The following NELL2 variants were observed in gnomAD, a reference collection of about 807,000 sequenced individuals.
The protein encoded by NELL2 is protein kinase C-binding protein NELL2.
A neutral mutation model predicts 109.6 loss-of-function variants in NELL2; 41 were observed. The ratio of observed to expected loss-of-function variants is 0.37; its 90% confidence interval spans 0.29 to 0.49. The LOEUF (loss-of-function observed/expected upper bound fraction) is 0.49. Among genes scored for constraint, NELL2 ranks in the 20% least tolerant of loss-of-function variants. The pLI, the probability that NELL2 is intolerant of heterozygous loss-of-function variation, is 0.98. For synonymous variants in NELL2, 355 were observed against 344.7 expected (o/e 1.03, Z -0.33); for missense variants, 900 against 1,008.3 (o/e 0.89, Z 1.45).
At chr12:44,774,691 T>A in intron 9 of NELL2, 56 bp downstream of exon 9, 1 of 1,389,682 alleles carries the variant, frequency 7.2e-7, no homozygotes, top group Non-Finnish European at 1.0e-6. Context: ...TGAATACTTA[T>A]TAATACAGTG....
intron 9 of NELL2, 58 bp from the exon 10 acceptor site, chr12:44,714,799 A>G: frequency 9.0e-7 from 1 of 1,105,248 alleles, no homozygotes; most frequent in Non-Finnish European, 1.3e-6. Flanking sequence ...CTTAGAAGGG[A>G]TCAGATCATC....
At chr12:44,523,507 C>T (rs2138988551) in intron 16 of NELL2, 23 bp from the exon 17 acceptor site, 1 of 1,607,256 alleles carries the variant, frequency 6.2e-7, no homozygotes, top group Non-Finnish European at 8.5e-7. Flanking sequence ...AAAAGCAGCA[C>T]TCAATGTGCT....
At chr12:44,866,706 TAAAC>T (rs1472168702) in intron 2 of NELL2, among the ~76,000 whole-genome samples, 1 of 151,714 alleles carries the variant, frequency 6.6e-6, no homozygotes, top group Non-Finnish European at 1.5e-5. Flanking sequence ...CTAATGAAGA[TAAAC>T]AAAATTGACA....
intron 13 of NELL2, among the ~76,000 whole-genome samples, chr12:44,648,099 C>T (rs902579201): frequency 5.3e-5 from 8 of 152,048 alleles, no homozygotes; most frequent in Non-Finnish European, 1.2e-4. Context: ...GTGGAAGAGG[C>T]AGGCAGAAAC....
chr12:44,916,139 T>G (rs548923047), upstream of NELL2, among the ~76,000 whole-genome samples: 1 of 152,282 alleles, frequency 6.6e-6, no homozygotes, highest in African/African-American at 2.4e-5. Context: ...GTAACATGTA[T>G]TAAAGGATGC....
At chr12:44,606,037 C>A (rs1945388692) in intron 15 of NELL2, among the ~76,000 whole-genome samples, 1 of 152,102 alleles carries the variant, frequency 6.6e-6, no homozygotes, top group Non-Finnish European at 1.5e-5. Context: ...AGGAAATGAT[C>A]CCCTTAAGAA....
At chr12:44,877,915 AAAG>A (rs1445559800), upstream of NELL2, among the ~76,000 whole-genome samples, 3 of 152,230 alleles carry the variant, frequency 2.0e-5, no homozygotes, top group Non-Finnish European at 4.4e-5. Context: ...TAATCAATGA[AAAG>A]AAATTAATCA....
At chr12:44,739,750 G>C (rs1939842418) in intron 9 of NELL2, among the ~76,000 whole-genome samples, 1 of 152,064 alleles carries the variant, frequency 6.6e-6, no homozygotes, top group South Asian at 2.1e-4. Context: ...AATTAGCTGG[G>C]TGTGGTGGCA....
chr12:44,918,189 G>C (rs1047469668), upstream of NELL2, among the ~76,000 whole-genome samples: 1 of 152,120 alleles, frequency 6.6e-6, no homozygotes, highest in Non-Finnish European at 1.5e-5. Context: ...GGTGGTAGTG[G>C]TGGAAATGAT....
chr12:44,718,111 G>C (rs1191115072), intron 9 of NELL2, among the ~76,000 whole-genome samples: 1 of 152,162 alleles, frequency 6.6e-6, no homozygotes, highest in Non-Finnish European at 1.5e-5. Flanking sequence ...GTCCCTCCTT[G>C]AGATTATCAA....
chr12:44,625,640 C>T (rs1485799375), intron 13 of NELL2, among the ~76,000 whole-genome samples: 2 of 151,892 alleles, frequency 1.3e-5, no homozygotes, highest in Non-Finnish European at 2.9e-5. Flanking sequence ...AAAAAAAATC[C>T]ATCTAGAATG....
intron 3 of NELL2, among the ~76,000 whole-genome samples, chr12:44,805,352 T>G (rs1942963709): frequency 6.6e-6 from 1 of 151,892 alleles, no homozygotes; most frequent in South Asian, 2.1e-4. Context: ...CTTATAAAAC[T>G]ATATTAATCA....
chr12:44,587,307 A>ATATTT (rs1302978950), intron 15 of NELL2, among the ~76,000 whole-genome samples: 25 of 96,640 alleles, frequency 2.6e-4, no homozygotes, highest in African/African-American at 8.3e-4. Context: ...ATATATATAT[A>ATATTT]TTTTTTTTTA....
intron 12 of NELL2, among the ~76,000 whole-genome samples, chr12:44,687,327 C>G (rs948764547): frequency 6.6e-6 from 1 of 152,186 alleles, no homozygotes; most frequent in African/African-American, 2.4e-5. Context: ...GTGAGATGAA[C>G]CCGGTACCTC....
At chr12:44,910,757 T>C (rs1489581169) in intron 1 of NELL2, among the ~76,000 whole-genome samples, 1 of 151,938 alleles carries the variant, frequency 6.6e-6, no homozygotes, top group African/African-American at 2.4e-5. Context: ...TACATATATA[T>C]GTGGAATACT....
At chr12:44,781,349 A>G (rs1941951901) in intron 3 of NELL2, among the ~76,000 whole-genome samples, 1 of 152,106 alleles carries the variant, frequency 6.6e-6, no homozygotes, top group Non-Finnish European at 1.5e-5. Flanking sequence ...TGTGACAAAT[A>G]GAAGATAGAC....
intron 12 of NELL2, among the ~76,000 whole-genome samples, chr12:44,668,348 T>C (rs1948010851): frequency 6.6e-6 from 1 of 152,126 alleles, no homozygotes; most frequent in African/African-American, 2.4e-5. Flanking sequence ...AGGGCTACCA[T>C]GTACCCATAC....
chr12:44,790,775 T>A (rs1942353687), intron 3 of NELL2, among the ~76,000 whole-genome samples: 1 of 151,896 alleles, frequency 6.6e-6, no homozygotes, highest in South Asian at 2.1e-4. Context: ...GAGACTCATC[T>A]AAGACATAAG....
At chr12:44,701,672 T>C (rs2136417031) in intron 12 of NELL2, among the ~76,000 whole-genome samples, 1 of 152,258 alleles carries the variant, frequency 6.6e-6, no homozygotes, top group African/African-American at 2.4e-5. Flanking sequence ...TTTCAAAACG[T>C]ACTATGAATA....
Sources: allele counts gnomAD v4.1 joint callset (sites outside exome capture counted in the v4.1 genomes callset), GRCh38; gene constraint gnomAD v4.1.1; transcripts MANE v1.5; gene names NCBI Gene and HGNC (gene_info 2026-07-23, HGNC 2026-07-21).